The following SLC24A2 variants were observed in gnomAD, a reference collection of about 807,000 sequenced individuals.
The protein encoded by SLC24A2 is solute carrier family 24 member 2, also known as sodium/potassium/calcium exchanger 2.
In SLC24A2, 36 loss-of-function variants were observed where a neutral mutation model predicts 62.0. That is an observed-to-expected ratio of 0.58 (90% CI 0.44 to 0.77). SLC24A2 has a LOEUF of 0.77. Among genes scored for constraint, SLC24A2 ranks in the 30% least tolerant of loss-of-function variants. SLC24A2 has a pLI of 0.00. For synonymous variants in SLC24A2, 358 were observed against 294.0 expected (o/e 1.22, Z -2.23); for missense variants, 846 against 817.9 (o/e 1.03, Z -0.42).
chr9:20,258,761 CATTTATCT>C, the SLC24A2 span, among the ~76,000 whole-genome samples: 1 of 142,284 alleles, frequency 7.0e-6, no homozygotes, highest in Admixed American at 7.2e-5. Flanking sequence ...AATCTCCTCT[CATTTATCT>C]ATCTATCTAT....
At chr9:20,110,595 T>C in the SLC24A2 span, among the ~76,000 whole-genome samples, 1 of 152,158 alleles carries the variant, frequency 6.6e-6, no homozygotes, top group East Asian at 1.9e-4. Context: ...GCAAGTCTTC[T>C]ATGCCACCCA....
At chr9:19,657,783 A>G (rs1818984312) in intron 2 of SLC24A2, among the ~76,000 whole-genome samples, 1 of 152,022 alleles carries the variant, frequency 6.6e-6, no homozygotes, top group African/African-American at 2.4e-5. Flanking sequence ...ACTGGAGTGC[A>G]GTGGCACAAT....
the SLC24A2 span, among the ~76,000 whole-genome samples, chr9:20,297,459 A>C: frequency 6.6e-6 from 1 of 152,174 alleles, no homozygotes; most frequent in Non-Finnish European, 1.5e-5. Context: ...GGATGGGAGG[A>C]AGGAATATAA....
chr9:19,881,173 G>A, the SLC24A2 span, among the ~76,000 whole-genome samples: 1 of 152,300 alleles, frequency 6.6e-6, no homozygotes, highest in African/African-American at 2.4e-5. Flanking sequence ...TATACTCAGT[G>A]AGATCACTTG....
chr9:19,534,791 C>T (rs1173564774), intron 8 of SLC24A2, among the ~76,000 whole-genome samples: 1 of 152,160 alleles, frequency 6.6e-6, no homozygotes, highest in African/African-American at 2.4e-5. Flanking sequence ...CAAGTCTTTG[C>T]TATTGTGAAT....
the SLC24A2 span, among the ~76,000 whole-genome samples, chr9:20,077,129 G>A: frequency 6.6e-6 from 1 of 151,770 alleles, no homozygotes; most frequent in East Asian, 1.9e-4. Flanking sequence ...TGGTAATCAG[G>A]GGCAGAGCGT....
chr9:20,117,718 C>G, the SLC24A2 span, among the ~76,000 whole-genome samples: 1 of 152,012 alleles, frequency 6.6e-6, no homozygotes, highest in Non-Finnish European at 1.5e-5. Flanking sequence ...ATTCCAAGGT[C>G]CATACTATTT....
chr9:20,019,096 A>G, the SLC24A2 span, among the ~76,000 whole-genome samples: 2 of 40,466 alleles, frequency 4.9e-5, no homozygotes, highest in Admixed American at 9.4e-4. Flanking sequence ...AAAGAAAGAA[A>G]GAAAGATAGA....
chr9:20,135,539 C>T, the SLC24A2 span, among the ~76,000 whole-genome samples: 6 of 151,942 alleles, frequency 3.9e-5, no homozygotes, highest in Non-Finnish European at 8.8e-5. Flanking sequence ...TTCTAGCACA[C>T]GAGGTCATTG....
At chr9:19,881,316 G>C in the SLC24A2 span, among the ~76,000 whole-genome samples, 15,621 of 152,080 alleles carry the variant, frequency 0.1, 1,369 homozygotes, top group African/African-American at 0.25. Context: ...AGTGTCCCCA[G>C]AAGTCAACTG....
intron 2 of SLC24A2, among the ~76,000 whole-genome samples, chr9:19,713,545 T>C (rs1047777642): frequency 2.0e-5 from 3 of 152,220 alleles, no homozygotes; most frequent in Non-Finnish European, 2.9e-5. Context: ...ATCAAGAATC[T>C]ATGTTCTTAC....
At chr9:20,211,224 A>T in the SLC24A2 span, among the ~76,000 whole-genome samples, 40 of 152,128 alleles carry the variant, frequency 2.6e-4, no homozygotes, top group Non-Finnish European at 5.4e-4. Context: ...TAAAAATAAT[A>T]CATGCTGGCC....
the SLC24A2 span, among the ~76,000 whole-genome samples, chr9:19,913,010 T>A: frequency 6.6e-6 from 1 of 152,088 alleles, no homozygotes; most frequent in African/African-American, 2.4e-5. Flanking sequence ...ATGACTCAGG[T>A]CTCCTGGTTT....
chr9:19,594,601 C>A (rs558127170), intron 5 of SLC24A2, among the ~76,000 whole-genome samples: 1 of 152,176 alleles, frequency 6.6e-6, no homozygotes, highest in East Asian at 1.9e-4. Flanking sequence ...GTCACATGGA[C>A]AATCACAACA....
At chr9:19,594,892 T>A (rs1013901963) in intron 5 of SLC24A2, among the ~76,000 whole-genome samples, 9 of 152,202 alleles carry the variant, frequency 5.9e-5, no homozygotes, top group African/African-American at 1.4e-4. Context: ...TTAGATGGAG[T>A]ACCAGAATTA....
At chr9:19,552,567 G>A (rs546778774) in intron 7 of SLC24A2, among the ~76,000 whole-genome samples, 7 of 152,140 alleles carry the variant, frequency 4.6e-5, no homozygotes, top group Non-Finnish European at 8.8e-5. Context: ...GACCCATCAA[G>A]CTGATGAGTT....
chr9:19,529,721 C>G (rs1189877145), intron 8 of SLC24A2, among the ~76,000 whole-genome samples: 1 of 149,590 alleles, frequency 6.7e-6, no homozygotes, highest in African/African-American at 2.5e-5. Flanking sequence ...AAAAGGTAAT[C>G]ATTTTTTTAA....
At chr9:19,940,436 C>T in the SLC24A2 span, among the ~76,000 whole-genome samples, 4 of 152,198 alleles carry the variant, frequency 2.6e-5, no homozygotes, top group Admixed American at 6.5e-5. Context: ...CCTATTTACT[C>T]TGTGACCTTA....
chr9:19,565,606 T>C (rs1382361524), intron 7 of SLC24A2, among the ~76,000 whole-genome samples: 5 of 152,132 alleles, frequency 3.3e-5, no homozygotes, highest in Admixed American at 6.5e-5. Flanking sequence ...TTTCACAGAA[T>C]TGGAAAAAAC....
Sources: allele counts gnomAD v4.1 joint callset (sites outside exome capture counted in the v4.1 genomes callset), GRCh38; gene constraint gnomAD v4.1.1; transcripts MANE v1.5; gene names NCBI Gene and HGNC (gene_info 2026-07-23, HGNC 2026-07-21).